The following MGA variants were observed in gnomAD, a reference collection of about 807,000 sequenced individuals.
MGA encodes the protein MAX gene-associated protein.
In MGA, 40 loss-of-function variants were observed where a neutral mutation model predicts 261.1. That is an observed-to-expected ratio of 0.15 (90% CI 0.12 to 0.20). MGA has a LOEUF of 0.20. MGA is among the 10% of genes least tolerant of loss of function. The probability of loss-of-function intolerance (pLI) is 1.00; values close to 1 mark genes in which losing one functional copy is unlikely to be tolerated. For missense variants in MGA, 3,397 were observed against 3,630.5 expected (o/e 0.94, Z 1.65); for synonymous variants, 1,302 against 1,290.6 (o/e 1.01, Z -0.19).
intron 2 of MGA, among the ~76,000 whole-genome samples, chr15:41,672,798 G>A (rs1299459790): frequency 2.0e-5 from 3 of 151,898 alleles, no homozygotes; most frequent in South Asian, 2.1e-4. Flanking sequence ...TTTACTATCT[G>A]TTCCTTTACA....
chr15:41,718,631 A>G, intron 9 of MGA: 1 of 294,242 alleles, frequency 3.4e-6, no homozygotes, highest in Non-Finnish European at 6.5e-6. Context: ...TGCTAATGCC[A>G]GTTTTGGTTG....
chr15:41,651,954 C>T (rs1250007613), intron 1 of MGA, among the ~76,000 whole-genome samples: 1 of 53,396 alleles, frequency 1.9e-5, no homozygotes, highest in African/African-American at 7.3e-5. Flanking sequence ...TCCTCTTCCC[C>T]CCACCTTTTT....
At chr15:41,691,907 T>A (rs2059311844) in intron 2 of MGA, among the ~76,000 whole-genome samples, 1 of 152,180 alleles carries the variant, frequency 6.6e-6, no homozygotes, top group Non-Finnish European at 1.5e-5. Flanking sequence ...ATGACTTTTT[T>A]TTTTTCCTTC....
chr15:41,713,629 C>G lies in MGA; in HGVS notation c.3430+133C>G, dbSNP rs924196549. The G allele has an allele frequency of 1.3e-5, 14 of 1,097,146 alleles. No homozygotes were observed. The African/African-American group carries it at 2.2e-4, about 17-fold the overall frequency. 68.0% of individuals were successfully genotyped at this position (1,097,146 alleles called of 1,614,324 possible). ...GCTTTGAGACTTCTTATTATCCTTA[C>G]ATGCTCTTTCTGACTGGCTATCTGA... On this transcript the variant is annotated intron_variant, in intron 9 of 23. Coordinates refer to ENST00000219905, the MANE Select transcript of MGA (RefSeq NM_001164273.2).
upstream of MGA, among the ~76,000 whole-genome samples, chr15:41,656,316 GTTTCTT>G (rs2057170482): frequency 3.3e-5 from 4 of 120,854 alleles, no homozygotes; most frequent in South Asian, 2.9e-4. Flanking sequence ...GAGGAATGGT[GTTTCTT>G]TCTCTCTCTC....
chr15:41,645,191 C>T (rs2056911687), intron 1 of MGA, among the ~76,000 whole-genome samples: 1 of 152,174 alleles, frequency 6.6e-6, no homozygotes, highest in Non-Finnish European at 1.5e-5. Flanking sequence ...TGTATTTAAT[C>T]TTAGAAAATG....
chr15:41,623,424 A>T (rs2056358245), intron 1 of MGA, among the ~76,000 whole-genome samples: 1 of 152,164 alleles, frequency 6.6e-6, no homozygotes, highest in African/African-American at 2.4e-5. Flanking sequence ...AACTGTTTGG[A>T]GAAAAAATGG....
Position 41,750,156 on chromosome 15 carries a change from C to G in MGA, c.6549C>G (p.Thr2183=). ...GAAAACATCTGAAGGGCCCCTTAAC[C>G]AGGAAATGTGTTGGAGCTTCACAGG... Residue 2183 remains threonine (T), a synonymous_variant, in exon 17 of 24, where the codon ACC becomes ACG. Transcript: ENST00000219905. The G allele has an allele frequency of 6.2e-7, 1 of 1,613,876 alleles. No individual in the cohort carries two copies. The highest frequency in any genetic ancestry group is 8.5e-7 in the Non-Finnish European group (1 of 1,179,876).
At chr15:41,709,786 C>T (rs1190686074) in intron 7 of MGA, among the ~76,000 whole-genome samples, 7 of 135,306 alleles carry the variant, frequency 5.2e-5, no homozygotes, top group Non-Finnish European at 9.3e-5. Flanking sequence ...GCTTTAATTT[C>T]TTTTTTTTTT....
chr15:41,683,497 C>T (rs755726880), intron 2 of MGA, among the ~76,000 whole-genome samples: 34 of 151,776 alleles, frequency 2.2e-4, no homozygotes, highest in Admixed American at 7.2e-4. Flanking sequence ...CTGCCAAGAG[C>T]TCTTTTATTT....
At chr15:41,717,260 A>G (rs545697919) in intron 9 of MGA, among the ~76,000 whole-genome samples, 1 of 152,336 alleles carries the variant, frequency 6.6e-6, no homozygotes, top group East Asian at 1.9e-4. Flanking sequence ...CTGGCTGTGC[A>G]GAGGTACTGT....
rs116922776 is a variant in MGA, at chr15:41,703,122, A to G, written c.2188+3963A>G. ...TCCTTTTTTTTGCATCTAGGATCCC[A>G]TTCAGGATACCACAAGACTTTTAGT... On this transcript the variant is annotated intron_variant, in intron 5 of 23. Transcript: ENST00000219905. 5.5e-3 allele frequency among the ~76,000 whole-genome samples: 836 copies of G among 152,250 alleles called. 3 individuals carry two copies. The highest frequency in any genetic ancestry group is 0.01 in the Middle Eastern group (3 of 294).
intron 21 of MGA, 98 bp downstream of exon 21, chr15:41,761,948 C>T (rs2063482645): frequency 2.2e-5 from 24 of 1,089,800 alleles, no homozygotes; most frequent in Non-Finnish European, 3.0e-5. Context: ...GAAAGCTTGG[C>T]TCCCACAGTT....
chr15:41,762,427 C>T (rs566666943), intron 22 of MGA, 65 bp downstream of exon 22: 18 of 1,005,008 alleles, frequency 1.8e-5, no homozygotes, highest in South Asian at 5.3e-5. Flanking sequence ...GTGGACTGAC[C>T]ACCTTCTCTT....
chr15:41,679,231 T>A (rs2058541686), intron 2 of MGA, among the ~76,000 whole-genome samples: 2 of 152,094 alleles, frequency 1.3e-5, no homozygotes, highest in Non-Finnish European at 2.9e-5. Context: ...GAGATGGGGT[T>A]TCACCATATT....
In MGA at chr15:41,668,909, G is replaced by A. The variant is rs368826208; in HGVS notation, c.15G>A (p.Gln5=). The change falls in exon 2 of 24, where the codon CAG becomes CAA. Residue 5 remains glutamine, a synonymous_variant. Coordinates refer to ENST00000219905, the MANE Select transcript of MGA (RefSeq NM_001164273.2). ...CTACTGAAATCATGGAGGAGAAACAGCAGATTATATTGGCTAATCAAGATG... is the reference window on the plus strand; with the variant it reads ...CTACTGAAATCATGGAGGAGAAACAACAGATTATATTGGCTAATCAAGATG... 2 of 1,567,714 alleles carry A rather than the reference G, an allele frequency of 1.3e-6. No individual in the cohort carries two copies. The highest frequency in any genetic ancestry group is 2.7e-5 in the African/African-American group (2 of 73,960).
chr15:41,688,394 C>T (rs2059084442), intron 2 of MGA, among the ~76,000 whole-genome samples: 1 of 152,112 alleles, frequency 6.6e-6, no homozygotes, highest in South Asian at 2.1e-4. Context: ...TTAAAGTCTA[C>T]TTTGTTTGAT....
At chr15:41,666,558 C>G (rs2057750859) in intron 1 of MGA, among the ~76,000 whole-genome samples, 1 of 152,212 alleles carries the variant, frequency 6.6e-6, no homozygotes, top group South Asian at 2.1e-4. Flanking sequence ...AACAAACCTG[C>G]ACGTGTTCTC....
intron 1 of MGA, among the ~76,000 whole-genome samples, chr15:41,623,578 C>T (rs916651552): frequency 6.6e-6 from 1 of 151,850 alleles, no homozygotes; most frequent in Non-Finnish European, 1.5e-5. Context: ...AACCCCGTCT[C>T]GACTAAAAAT....
Sources: gnomAD v4.1 joint callset for allele counts (sites outside exome capture counted in the v4.1 genomes callset) on GRCh38, gnomAD v4.1.1 for gene constraint, MANE v1.5 for transcripts, NCBI Gene and HGNC (gene_info 2026-07-23, HGNC 2026-07-21) for gene names.